DCUN1D5: variants seen among roughly 807,000 people sequenced by gnomAD.
DCUN1D5 encodes the protein defective in cullin neddylation 1 domain containing 5.
In DCUN1D5, 10 loss-of-function variants were observed where a neutral mutation model predicts 38.3. The observed-to-expected ratio is 0.26, with a 90% CI of 0.16 to 0.44. The LOEUF (loss-of-function observed/expected upper bound fraction) is 0.44. DCUN1D5 is among the 20% of genes least tolerant of loss of function. The pLI is 1.00. For missense variants in DCUN1D5, 148 were observed against 275.3 expected, an observed-to-expected ratio of 0.54 and a Z score of 3.27; for synonymous variants, 93 against 90.9, an observed-to-expected ratio of 1.02 and a Z score of -0.13.
rs951186577 is a variant in DCUN1D5 at position 103,083,700 on chromosome 11, C to G, written c.179-374G>C. Among the ~76,000 whole-genome samples the G allele has an allele frequency of 6.6e-6, 1 of 151,880 alleles. No individual in the cohort carries two copies. Among genetic ancestry groups the G allele is most frequent in the South Asian group, 2.1e-4 (1 of 4,824 alleles). On this transcript the variant is annotated intron_variant, in intron 2 of 7. Coordinates refer to ENST00000260247, the MANE Select transcript of DCUN1D5 (RefSeq NM_032299.4). This position sits in a 1 kb window ranked among gnomAD's most constrained non-coding sequence, Gnocchi z 4.4. Reference sequence around the variant, plus strand: ...ATGAAAAAACATAAGGCAGCTGGAGCTTCTTAATCTACTGGAATATCAGAA... The same window carrying G: ...ATGAAAAAACATAAGGCAGCTGGAGGTTCTTAATCTACTGGAATATCAGAA...
intron 4 of DCUN1D5, among the ~76,000 whole-genome samples, chr11:103,070,066 CAAGT>C (rs149580102): frequency 0.017 from 2,505 of 147,234 alleles, 26 homozygotes; most frequent in Middle Eastern, 0.024. Context: ...AATGCTTCAA[CAAGT>C]AATTAAAAAC....
chr11:103,085,630 C>T (rs77296007), intron 2 of DCUN1D5, among the ~76,000 whole-genome samples: 2,354 of 152,198 alleles, frequency 0.015, 57 homozygotes, highest in African/African-American at 0.052. Flanking sequence ...AGTAACAGAT[C>T]TAAGTCTAAA....
chr11:103,076,183 G>GTCATAGCATAACACAGGACCTGAC (rs1862402721), intron 4 of DCUN1D5, among the ~76,000 whole-genome samples: 2 of 152,130 alleles, frequency 1.3e-5, no homozygotes, highest in East Asian at 3.9e-4. Flanking sequence ...AAAAATCACT[G>GTCATAGCATAACACAGGACCTGAC]TCATAGCATA....
At chr11:103,068,377 G>T (rs1241118921) in intron 4 of DCUN1D5, among the ~76,000 whole-genome samples, 7 of 152,120 alleles carry the variant, frequency 4.6e-5, no homozygotes, top group Non-Finnish European at 8.8e-5. Flanking sequence ...ATATGCAGGT[G>T]AATGTTCATT....
Position 103,054,432 on chromosome 11 carries a change from A to C in DCUN1D5, c.*7927T>G, listed in dbSNP as rs1288955017. ...CATTATTCACATGTTCAAACACTGT[A>C]AACTGAATTGTGTGATGGGCACTTG... On this transcript the variant is annotated 3_prime_UTR_variant, in exon 8 of 8. Coordinates refer to ENST00000260247, the MANE Select transcript of DCUN1D5 (RefSeq NM_032299.4). 6.6e-6 allele frequency: 1 copy of C among 152,152 alleles called. No homozygotes were observed. Among genetic ancestry groups the C allele is most frequent in the East Asian group, 1.9e-4 (1 of 5,192 alleles). 9.4% of individuals were successfully genotyped at this position (152,152 alleles called of 1,614,324 possible).
rs772138431 is a variant in DCUN1D5 at position 103,083,860 on chromosome 11, C to T, written c.179-534G>A. 6.6e-6 allele frequency among the ~76,000 whole-genome samples: 1 copy of T among 152,064 alleles called. No individual in the cohort carries two copies. Among genetic ancestry groups the T allele is most frequent in the Non-Finnish European group, 1.5e-5 (1 of 67,944 alleles). On this transcript the variant is annotated intron_variant, in intron 2 of 7. Coordinates refer to ENST00000260247, the MANE Select transcript of DCUN1D5 (RefSeq NM_032299.4). The surrounding 1 kb of genome is among the most constrained non-coding windows in gnomAD (Gnocchi z 4.4). ...GACAAAGGTATTTTGAAAATAATGA[C>T]TTATGGAAATTACTACATTCCATTT...
chr11:103,089,367 A>G (rs940419702), intron 1 of DCUN1D5, 49 bp from the exon 2 acceptor site: 1 of 1,474,240 alleles, frequency 6.8e-7, no homozygotes. Flanking sequence ...CTCAACTCTT[A>G]GAGAAAAACT....
Position 103,063,697 on chromosome 11 carries a change from T to A in DCUN1D5, c.658+578A>T, listed in dbSNP as rs1333694428. 6.6e-6 allele frequency among the ~76,000 whole-genome samples: 1 copy of A among 152,154 alleles called. No homozygotes were observed. The highest frequency in any genetic ancestry group is 1.5e-5 in the Non-Finnish European group (1 of 67,982). ...ATTAACTTGGTTTATCTAATTAATTTATCATTATTTCAAAATCCTGTTTTA... is the reference window on the plus strand; with the variant it reads ...ATTAACTTGGTTTATCTAATTAATTAATCATTATTTCAAAATCCTGTTTTA... On this transcript the variant is annotated intron_variant, in intron 7 of 7. Coordinates refer to ENST00000260247, the MANE Select transcript of DCUN1D5 (RefSeq NM_032299.4). This position sits in a 1 kb window ranked among gnomAD's most constrained non-coding sequence, Gnocchi z 4.6.
In DCUN1D5 at chr11:103,055,645, A is replaced by C. The variant is rs547765716; in HGVS notation, c.*6714T>G. 3 of 152,162 alleles carry C rather than the reference A, an allele frequency of 2.0e-5. No individual in the cohort carries two copies. The allele number at this position is 152,162 out of a possible 1,614,324, so 9.4% of individuals were successfully genotyped here. A position where few individuals can be genotyped will look rare whatever the true frequency, so the allele number is the denominator to read the frequency against. ...TAGAAAATGTTAACATTTTATTTCT[A>C]TTTGAAAAATCACAAAAGTTGGCCT... On this transcript the variant is annotated 3_prime_UTR_variant, in exon 8 of 8. Transcript: ENST00000260247.
At chr11:103,089,762 G>T (rs1249942307) in intron 1 of DCUN1D5, among the ~76,000 whole-genome samples, 1 of 151,742 alleles carries the variant, frequency 6.6e-6, no homozygotes, top group Non-Finnish European at 1.5e-5. Flanking sequence ...GTTATATTAA[G>T]AGTTGTTTTA....
In DCUN1D5 at chr11:103,078,936, C is replaced by T. The variant is rs1275170651; in HGVS notation, c.341+3812G>A. Among the ~76,000 whole-genome samples the T allele has an allele frequency of 2.0e-5, 3 of 152,170 alleles. No individual in the cohort carries two copies. Among genetic ancestry groups the T allele is most frequent in the East Asian group, 1.9e-4 (1 of 5,198 alleles). On this transcript the variant is annotated intron_variant, in intron 4 of 7. Coordinates refer to ENST00000260247, the MANE Select transcript of DCUN1D5 (RefSeq NM_032299.4). This position sits in a 1 kb window ranked among gnomAD's most constrained non-coding sequence, Gnocchi z 4.6. ...TGTATTTCCACTCTAGCACATGTCACGTTCTCCTTGGTTTATGGTTACAGC... is the reference window on the plus strand; with the variant it reads ...TGTATTTCCACTCTAGCACATGTCATGTTCTCCTTGGTTTATGGTTACAGC...
rs1861739925 is a variant in DCUN1D5 at position 103,051,600 on chromosome 11, A to C, written c.*10759T>G. The C allele has an allele frequency of 6.7e-6, 1 of 149,134 alleles. No individual in the cohort carries two copies. The highest frequency in any genetic ancestry group is 1.5e-5 in the Non-Finnish European group (1 of 67,832). The allele number at this position is 149,134 out of a possible 1,614,324, so 9.2% of individuals were successfully genotyped here. ...TTATTTTCATTAGTCAATATCATTT[A>C]TTCTTTGTCATTAAACAAATATTTG... On this transcript the variant is annotated 3_prime_UTR_variant, in exon 8 of 8. Transcript: ENST00000260247.
At position 103,057,731 on chromosome 11, in the gene DCUN1D5, A is replaced by G. The variant is rs556835413; in HGVS notation, c.*4628T>C. ...TAAGACCCTGTCTCCAAAAAAAAAA[A>G]GGGAAAAGTTAATTATGGCTAATAT... is the stretch of plus-strand genomic sequence containing the variant. On this transcript the variant is annotated 3_prime_UTR_variant, in exon 8 of 8. Coordinates refer to ENST00000260247, the MANE Select transcript of DCUN1D5 (RefSeq NM_032299.4). This position sits in a 1 kb window ranked among gnomAD's most constrained non-coding sequence, Gnocchi z 4.8. 2.6e-5 allele frequency among the ~76,000 whole-genome samples: 4 copies of G among 151,878 alleles called. No individual in the cohort carries two copies. The South Asian group carries it at 8.3e-4, about 32-fold the overall frequency.
chr11:103,076,489 T>G (rs1591217275), intron 4 of DCUN1D5, among the ~76,000 whole-genome samples: 1 of 152,184 alleles, frequency 6.6e-6, no homozygotes, highest in Admixed American at 6.5e-5. Flanking sequence ...GCTTAAGAAA[T>G]AAAGTGAAGG....
chr11:103,070,410 A>C (rs927433290), intron 4 of DCUN1D5, among the ~76,000 whole-genome samples: 4 of 152,214 alleles, frequency 2.6e-5, no homozygotes, highest in African/African-American at 9.6e-5. Context: ...TTTCTACATT[A>C]GATGATATTA....
Position 103,062,137 on chromosome 11 carries a change from T to TAAC in DCUN1D5, c.*219_*221dup. The TAAC allele has an allele frequency of 2.1e-6, 1 of 476,718 alleles. No individual in the cohort carries two copies. The highest frequency in any genetic ancestry group is 3.7e-6 in the Non-Finnish European group (1 of 270,716). The allele number at this position is 476,718 out of a possible 1,614,324, so 29.5% of individuals were successfully genotyped here. A position where few individuals can be genotyped will look rare whatever the true frequency, so the allele number is the denominator to read the frequency against. On this transcript the variant is annotated 3_prime_UTR_variant, in exon 8 of 8. Transcript: ENST00000260247. The surrounding 1 kb of genome is among the most constrained non-coding windows in gnomAD (Gnocchi z 4.6). ...TGTTCTGAAATAAATGTTATAAACA[T>TAAC]AACTCAAAACAAAAACTTCAATATT... is the stretch of plus-strand genomic sequence containing the variant.
chr11:103,067,028 C>T (rs1862150742), intron 4 of DCUN1D5, among the ~76,000 whole-genome samples: 1 of 152,124 alleles, frequency 6.6e-6, no homozygotes, highest in South Asian at 2.1e-4. Context: ...TAGGATATAA[C>T]ACAGTGCAAA....
chr11:103,069,055 A>C (rs117584205), intron 4 of DCUN1D5, among the ~76,000 whole-genome samples: 6,787 of 152,238 alleles, frequency 0.045, 211 homozygotes, highest in Non-Finnish European at 0.063. Flanking sequence ...GGTGCAGATA[A>C]AAGAGGCACT....
rs746623824 is a variant in DCUN1D5 at position 103,083,228 on chromosome 11, T to G, written c.249+28A>C. 1 of 1,189,324 alleles carries G rather than the reference T, an allele frequency of 8.4e-7. No individual in the cohort carries two copies. Among genetic ancestry groups the G allele is most frequent in the South Asian group, 1.2e-5 (1 of 80,816 alleles). 73.7% of individuals were successfully genotyped at this position (1,189,324 alleles called of 1,614,324 possible). On this transcript the variant is annotated intron_variant, in intron 3 of 7. Transcript: ENST00000260247. The surrounding 1 kb of genome is among the most constrained non-coding windows in gnomAD (Gnocchi z 4.4). ...ACGAATATGCTATACCCCACTTATA[T>G]GCCATTCTACTTAGAAATAAAACAT...
Sources: gnomAD v4.1 joint callset for allele counts (sites outside exome capture counted in the v4.1 genomes callset) on GRCh38, gnomAD v4.1.1 for gene constraint, Gnocchi (gnomAD v3.1) non-coding constraint, MANE v1.5 for transcripts, NCBI Gene and HGNC (gene_info 2026-07-23, HGNC 2026-07-21) for gene names.